ASIC5: variants seen among roughly 807,000 people sequenced by gnomAD.
ASIC5 encodes the protein bile acid-sensitive ion channel.
In ASIC5, 52 loss-of-function variants were observed where a neutral mutation model predicts 51.2. That is an observed-to-expected ratio of 1.02 (90% CI 0.81 to 1.28). The LOEUF (loss-of-function observed/expected upper bound fraction) is 1.28, where lower values mean the gene tolerates loss of function less well. ASIC5 is among the 50% of genes most tolerant of loss of function. The pLI is 0.00. For synonymous variants in ASIC5, 231 were observed against 200.7 expected (o/e 1.15, Z -1.28); for missense variants, 635 against 595.0 (o/e 1.07, Z -0.70).
intron 8 of ASIC5, among the ~76,000 whole-genome samples, chr4:155,833,628 C>G (rs184048194): frequency 6.6e-6 from 1 of 152,228 alleles, no homozygotes; most frequent in East Asian, 1.9e-4. Flanking sequence ...AGTAATATTC[C>G]AATCTCTTTG....
chr4:155,839,878 AC>A (rs1455171080), intron 6 of ASIC5, among the ~76,000 whole-genome samples: 2 of 152,164 alleles, frequency 1.3e-5, no homozygotes, highest in African/African-American at 4.8e-5. Context: ...AAACAAACAA[AC>A]AAAAGAACAA....
rs1741396643 is a variant in ASIC5, at chr4:155,852,188, T to C, written c.711+3A>G. On this transcript the variant is annotated splice_donor_region_variant and intron_variant, in intron 4 of 9. Transcript: ENST00000537611. ...TGTCTTGAACCTGGAGAAAATTCAGTACCTGATTCACATTGAAGAGTAAGC... is the reference window on the plus strand; with the variant it reads ...TGTCTTGAACCTGGAGAAAATTCAGCACCTGATTCACATTGAAGAGTAAGC... The C allele has an allele frequency of 6.2e-7, 1 of 1,611,990 alleles. No individual in the cohort carries two copies. The highest frequency in any genetic ancestry group is 1.3e-5 in the African/African-American group (1 of 74,908).
In ASIC5 at chr4:155,835,387, C is replaced by A. The variant is rs542647155; in HGVS notation, c.1235+1302G>T. The stretch of plus-strand genomic sequence containing the variant: ...TGCAAGGGGAATCAGAGAATTCTCC[C>A]GTTTCAAGAATAATCTGAGTTTTGG... On this transcript the variant is annotated intron_variant, in intron 8 of 9. Transcript: ENST00000537611. Among the ~76,000 whole-genome samples the A allele has an allele frequency of 2.0e-5, 3 of 147,998 alleles. No homozygotes were observed. The Admixed American group carries it at 2.1e-4, about 10-fold the overall frequency.
At chr4:155,847,728 A>T (rs1741287970) in intron 4 of ASIC5, among the ~76,000 whole-genome samples, 2 of 152,034 alleles carry the variant, frequency 1.3e-5, no homozygotes, top group Admixed American at 6.6e-5. Flanking sequence ...TCTCAGTAAA[A>T]AAAATAAATA....
In ASIC5 at chr4:155,843,765, T is replaced by C; in HGVS notation, c.777A>G (p.Ser259=). 6.2e-7 allele frequency: 1 copy of C among 1,613,652 alleles called. No homozygotes were observed. Among genetic ancestry groups the C allele is most frequent in the Middle Eastern group, 1.7e-4 (1 of 6,056 alleles). Reference sequence around the variant, plus strand: ...CATCAAACTGTGGCACCTTCTTTGGTGAATGGATAACAAAGATGATCCCAG... The same window carrying C: ...CATCAAACTGTGGCACCTTCTTTGGCGAATGGATAACAAAGATGATCCCAG... ...VDAGIIFVIH[S]PKKVPQFDGL... is the part of the protein sequence containing the mutation. The change falls in exon 5 of 10, where the codon TCA becomes TCG. Residue 259 remains serine, a synonymous_variant. Transcript: ENST00000537611.
chr4:155,841,394 A>G (rs1180869132), intron 6 of ASIC5, among the ~76,000 whole-genome samples: 3 of 152,164 alleles, frequency 2.0e-5, no homozygotes, highest in Non-Finnish European at 4.4e-5. Context: ...ACCCTATAAG[A>G]TGGGATTATT....
chr4:155,843,827 C>T lies in ASIC5; in HGVS notation c.715G>A (p.Ala239Thr). The T allele has an allele frequency of 6.2e-7, 1 of 1,613,124 alleles. No homozygotes were observed. The highest frequency in any genetic ancestry group is 8.5e-7 in the Non-Finnish European group (1 of 1,179,500). ...LSLLFNVNQE[A>T]FTDNPALGFV... Reference sequence around the variant, plus strand: ...CCAAGGGCTGGGTTATCAGTGAATGCCTCCTGAAACAAAAATATGTTTTTG... The same window carrying T: ...CCAAGGGCTGGGTTATCAGTGAATGTCTCCTGAAACAAAAATATGTTTTTG... Residue 239 changes from alanine (A) to threonine (T), a missense_variant, in exon 5 of 10, where the codon GCA becomes ACA. By Grantham distance (58) the Ala-to-Thr change is moderately conservative. Coordinates refer to ENST00000537611, the MANE Select transcript of ASIC5 (RefSeq NM_017419.3).
At chr4:155,854,588 G>T in intron 2 of ASIC5, 1 of 466,942 alleles carries the variant, frequency 2.1e-6, no homozygotes, top group Non-Finnish European at 3.8e-6. Context: ...TTTAAAGGAA[G>T]AGGAGGGAAT....
At chr4:155,850,060 A>C (rs1741345607) in intron 4 of ASIC5, among the ~76,000 whole-genome samples, 1 of 151,986 alleles carries the variant, frequency 6.6e-6, no homozygotes, top group African/African-American at 2.4e-5. Flanking sequence ...AAATCAGATG[A>C]AAACTGAGAC....
chr4:155,843,312 C>A (rs927830526), intron 5 of ASIC5, among the ~76,000 whole-genome samples: 4 of 152,104 alleles, frequency 2.6e-5, no homozygotes, highest in Non-Finnish European at 5.9e-5. Context: ...AAGTGGCTGG[C>A]AAACAGAAAC....
At position 155,863,458 on chromosome 4, in the gene ASIC5, T is replaced by G; in HGVS notation, c.337A>C (p.Asn113His). ...KMEFPAVTFC[N>H]LNRFQTDAVA... ...AAAAGTAATTTTTACCTGTTCAAATTACAAAATGTCACAGCTGGGAACTCC... is the reference window on the plus strand; with the variant it reads ...AAAAGTAATTTTTACCTGTTCAAATGACAAAATGTCACAGCTGGGAACTCC... Residue 113 changes from asparagine to histidine, a missense_variant, in exon 2 of 10, where the codon AAT (asparagine) becomes CAT (histidine). Transcript: ENST00000537611. The G allele has an allele frequency of 6.2e-7, 1 of 1,610,638 alleles. No homozygotes were observed. The highest frequency in any genetic ancestry group is 2.2e-5 in the East Asian group (1 of 44,758).
intron 3 of ASIC5, 130 bp from the exon 4 acceptor site, chr4:155,852,446 TG>T: frequency 1.4e-6 from 1 of 717,710 alleles, no homozygotes; most frequent in Non-Finnish European, 2.2e-6. Context: ...GAGAATAGTC[TG>T]ATTTATATGT....
In ASIC5 at chr4:155,854,154, T is replaced by G. The variant is rs1741462005; in HGVS notation, c.508A>C (p.Ile170Leu). The G allele has an allele frequency of 6.2e-7, 1 of 1,613,484 alleles. No homozygotes were observed. Among genetic ancestry groups the G allele is most frequent in the Non-Finnish European group, 8.5e-7 (1 of 1,179,656 alleles). Residue 170 changes from isoleucine to leucine, a missense_variant, in exon 3 of 10, where the codon ATC (isoleucine) becomes CTC (leucine). Coordinates refer to ENST00000537611, the MANE Select transcript of ASIC5 (RefSeq NM_017419.3). ...TTGAGATAAAAACCTTTGTTCCTGA[T>G]AAATTCCACAATGCTGAAGTTTTGG... is the stretch of plus-strand genomic sequence containing the variant. ...SHQNFSIVEFIRNKGFYLNNS... is the reference protein window; with the variant it reads ...SHQNFSIVEFLRNKGFYLNNS...
chr4:155,842,421 A>G, intron 5 of ASIC5, 67 bp from the exon 6 acceptor site: 7 of 1,398,056 alleles, frequency 5.0e-6, no homozygotes, highest in Non-Finnish European at 6.8e-6. Flanking sequence ...TTCCATCAAG[A>G]AGCTGGTACA....
At chr4:155,861,329 A>G (rs1391951225) in intron 2 of ASIC5, among the ~76,000 whole-genome samples, 1 of 151,882 alleles carries the variant, frequency 6.6e-6, no homozygotes, top group East Asian at 1.9e-4. Context: ...TTCTCTGTCA[A>G]GTTGTTCTAT....
At chr4:155,865,105 A>G (rs913872191) in intron 1 of ASIC5, 1 of 151,928 alleles carries the variant, frequency 6.6e-6, no homozygotes, top group Non-Finnish European at 1.5e-5. Context: ...GTCTATTAAC[A>G]TTTTCTAAGG....
chr4:155,848,690 C>T, intron 4 of ASIC5, among the ~76,000 whole-genome samples: 1 of 152,040 alleles, frequency 6.6e-6, no homozygotes, highest in Non-Finnish European at 1.5e-5. Flanking sequence ...CTACAAAACT[C>T]TAACAGGTGC....
intron 2 of ASIC5, among the ~76,000 whole-genome samples, chr4:155,855,099 A>G (rs570950266): frequency 5.3e-5 from 8 of 151,944 alleles, no homozygotes; most frequent in Non-Finnish European, 8.8e-5. Flanking sequence ...TAATCCCTAG[A>G]AAAAAAGCCC....
intron 2 of ASIC5, among the ~76,000 whole-genome samples, chr4:155,857,857 C>T (rs964034022): frequency 2.0e-5 from 3 of 152,044 alleles, no homozygotes; most frequent in South Asian, 4.1e-4. Context: ...ACTAATGAAA[C>T]CTTTGTTGTG....
Sources: allele counts gnomAD v4.1 joint callset (sites outside exome capture counted in the v4.1 genomes callset), GRCh38; gene constraint gnomAD v4.1.1; transcripts MANE v1.5; gene names NCBI Gene and HGNC (gene_info 2026-07-23, HGNC 2026-07-21).